The following STOX2 variants were observed in gnomAD, a reference collection of about 807,000 sequenced individuals.
STOX2 encodes storkhead box 2, also known as storkhead-box protein 2.
STOX2 carries 28 observed loss-of-function variants against 60.9 expected under a neutral mutation model. The ratio of observed to expected loss-of-function variants is 0.46; its 90% CI spans 0.34 to 0.63. The LOEUF is 0.63. STOX2 is among the 30% of genes least tolerant of loss of function. The pLI is 0.01. For synonymous variants in STOX2, 472 were observed against 463.9 expected (o/e 1.02, Z -0.22); for missense variants, 1,024 against 1,187.7 (o/e 0.86, Z 2.03).
At chr4:183,889,421 C>T (rs1217740552) in intron 1 of STOX2, among the ~76,000 whole-genome samples, 1 of 152,168 alleles carries the variant, frequency 6.6e-6, no homozygotes, top group Non-Finnish European at 1.5e-5. Flanking sequence ...TCCTGCAGCA[C>T]CCCCAGAGGA....
At position 183,950,959 on chromosome 4, in the gene STOX2, T is replaced by C. The variant is rs140912258; in HGVS notation, c.166+44003T>C. ...GGCCGGGCGCGGTGGCTCACGCCTG[T>C]AATCCCAGCACTTTGGGAGGCCGAG... On this transcript the variant is annotated intron_variant, in intron 1 of 3. Transcript: ENST00000308497. Among the ~76,000 whole-genome samples, 627 of 152,190 alleles carry C rather than the reference T, an allele frequency of 4.1e-3. 5 individuals are homozygous for C. The highest frequency in any genetic ancestry group is 6.7e-3 in the Non-Finnish European group (455 of 68,002).
At chr4:183,886,324 G>GAGGGTGAAGGTTCCGATGGTT (rs1276420829) in intron 1 of STOX2, among the ~76,000 whole-genome samples, 4 of 148,490 alleles carry the variant, frequency 2.7e-5, no homozygotes, top group African/African-American at 7.3e-5. Flanking sequence ...GCAAGATCAG[G>GAGGGTGAAGGTTCCGATGGTT]GTCACTAGGA....
Position 184,006,812 on chromosome 4 carries a change from C to T in STOX2, c.320-2346C>T, listed in dbSNP as rs574467281. Among the ~76,000 whole-genome samples, 107 of 150,752 alleles carry T rather than the reference C, an allele frequency of 7.1e-4. 1 individual carries two copies. The highest frequency in any genetic ancestry group is 2.1e-3 in the East Asian group (11 of 5,166). On this transcript the variant is annotated intron_variant, in intron 2 of 3. Coordinates refer to ENST00000308497, the MANE Select transcript of STOX2 (RefSeq NM_020225.3). The stretch of plus-strand genomic sequence containing the variant: ...CGGGCGGATCACGAGGTCAGCAGAT[C>T]GAAACCATCCCGGCTAAAACGGTGA...
intron 1 of STOX2, among the ~76,000 whole-genome samples, chr4:183,835,245 G>A (rs1223354851): frequency 3.5e-5 from 5 of 142,008 alleles, no homozygotes; most frequent in Admixed American, 2.1e-4. Context: ...TTTTTTTTGA[G>A]ACGGAGTCTG....
intron 1 of STOX2, among the ~76,000 whole-genome samples, chr4:183,885,544 G>C (rs763277938): frequency 3.3e-5 from 5 of 152,122 alleles, no homozygotes; most frequent in Non-Finnish European, 7.4e-5. Flanking sequence ...GCAGGGTGCC[G>C]GCTGCCTCGC....
At chr4:183,987,253 C>T (rs753201349) in intron 1 of STOX2, among the ~76,000 whole-genome samples, 2 of 152,060 alleles carry the variant, frequency 1.3e-5, no homozygotes, top group Non-Finnish European at 2.9e-5. Flanking sequence ...TCAACTGCCG[C>T]CCCCGTCTTC....
At chr4:183,810,655 A>G (rs542947019) in intron 1 of STOX2, among the ~76,000 whole-genome samples, 1 of 152,268 alleles carries the variant, frequency 6.6e-6, no homozygotes, top group African/African-American at 2.4e-5. Flanking sequence ...GCCCTCATCA[A>G]TGGATTAATG....
At chr4:183,857,686 C>G (rs1427410088) in intron 1 of STOX2, among the ~76,000 whole-genome samples, 1 of 152,130 alleles carries the variant, frequency 6.6e-6, no homozygotes, top group African/African-American at 2.4e-5. Context: ...GAGGAACCTT[C>G]CCCCCAGCCC....
At chr4:183,954,018 C>G (rs1743171605) in intron 1 of STOX2, among the ~76,000 whole-genome samples, 1 of 152,220 alleles carries the variant, frequency 6.6e-6, no homozygotes, top group Admixed American at 6.5e-5. Flanking sequence ...CTGTGGGCCT[C>G]TAATTCTCAT....
intron 1 of STOX2, among the ~76,000 whole-genome samples, chr4:183,852,553 G>C (rs541006259): frequency 6.7e-6 from 1 of 149,316 alleles, no homozygotes; most frequent in Non-Finnish European, 1.5e-5. Flanking sequence ...ATGAGGGAAA[G>C]GATGAGAGAA....
intron 1 of STOX2, among the ~76,000 whole-genome samples, chr4:183,822,349 G>T (rs1488013989): frequency 6.6e-6 from 1 of 152,194 alleles, no homozygotes; most frequent in Non-Finnish European, 1.5e-5. Flanking sequence ...CTGGCATGGG[G>T]GATGGTTTTG....
rs919159034 is a variant in STOX2, at chr4:183,819,222, G to A, written c.364+21167G>A. On this transcript the variant is annotated intron_variant, in intron 1 of 2. Coordinates refer to the STOX2 transcript ENST00000513034. ...TGGGAGGTGGAGGTTGTAGAGAGCC[G>A]AGATCACGCCGCTGCACTCCAGCCT... 5.3e-5 allele frequency among the ~76,000 whole-genome samples: 8 copies of A among 152,102 alleles called. No individual in the cohort carries two copies. The East Asian group carries it at 7.8e-4, about 15-fold the overall frequency.
chr4:184,007,045 A>AAAAAAAAAAAAAAAAAC (rs1553987519), intron 2 of STOX2, among the ~76,000 whole-genome samples: 1 of 118,472 alleles, frequency 8.4e-6, no homozygotes, highest in African/African-American at 3.1e-5. Context: ...AAACAAAAAA[A>AAAAAAAAAAAAAAAAAC]AAATTTTGTT....
At position 183,836,320 on chromosome 4, in the gene STOX2, G is replaced by C. The variant is rs753948917; in HGVS notation, c.364+38265G>C. ...TCTGCAAGTCAATGGGTATGGTTGT[G>C]GTGTAGCGGGTTTCAGCAGCAACAG... On this transcript the variant is annotated intron_variant, in intron 1 of 2. Transcript: ENST00000513034. This position sits in a 1 kb window ranked among gnomAD's most constrained non-coding sequence, Gnocchi z 4.1. Among the ~76,000 whole-genome samples, 7 of 152,174 alleles carry C rather than the reference G, an allele frequency of 4.6e-5. No individual in the cohort carries two copies. Among genetic ancestry groups the C allele is most frequent in the African/African-American group, 1.7e-4 (7 of 41,438 alleles).
intron 1 of STOX2, among the ~76,000 whole-genome samples, chr4:183,852,605 C>A (rs917700637): frequency 6.6e-6 from 1 of 151,888 alleles, no homozygotes; most frequent in Admixed American, 6.6e-5. Flanking sequence ...ATACTCTCAT[C>A]AAGGTTAATT....
At position 184,009,505 on chromosome 4, in the gene STOX2, A is replaced by G. The variant is rs375121988; in HGVS notation, c.667A>G (p.Lys223Glu). 3 of 1,614,056 alleles carry G rather than the reference A, an allele frequency of 1.9e-6. No individual in the cohort carries two copies. The highest frequency in any genetic ancestry group is 2.2e-5 in the South Asian group (2 of 91,084). Residue 223 changes from lysine (K) to glutamate (E), a missense_variant, in exon 3 of 4, where the codon AAA (lysine) becomes GAA (glutamate). Lys to Glu is a moderately conservative substitution (Grantham distance 56). Around this residue, in one of 3 missense-constraint regions of STOX2, gnomAD observed 922 missense variants for 1,058.3 expected, o/e 0.87. Coordinates refer to ENST00000308497, the MANE Select transcript of STOX2 (RefSeq NM_020225.3). The surrounding 1 kb of genome is among the most constrained non-coding windows in gnomAD (Gnocchi z 4.0). ...GCAAAGGAAGTCTGCCAAGGACTGC[A>G]AAGACCCTTACTGTCCCCCTTCTCT... ...TLQRKSAKDC[K>E]DPYCPPSLCQ...
intron 1 of STOX2, among the ~76,000 whole-genome samples, chr4:183,824,915 C>T (rs532113297): frequency 4.6e-5 from 7 of 152,264 alleles, no homozygotes; most frequent in African/African-American, 7.2e-5. Flanking sequence ...GAGAGGGGAC[C>T]GATAGAGTTC....
intron 1 of STOX2, among the ~76,000 whole-genome samples, chr4:183,862,039 G>T (rs1252906578): frequency 1.3e-5 from 2 of 152,198 alleles, no homozygotes; most frequent in Non-Finnish European, 2.9e-5. Flanking sequence ...CTTCGTGAGG[G>T]TTTCCTAGAT....
At chr4:183,874,316 G>A (rs1363963476) in intron 1 of STOX2, among the ~76,000 whole-genome samples, 2 of 152,154 alleles carry the variant, frequency 1.3e-5, no homozygotes, top group African/African-American at 4.8e-5. Flanking sequence ...CTTTGGTTGT[G>A]CAGGGGGTTT....
Sources: gnomAD v4.1 joint callset for allele counts (sites outside exome capture counted in the v4.1 genomes callset) on GRCh38, gnomAD v4.1.1 for gene constraint, gnomAD v4.1.1 regional missense constraint, Gnocchi (gnomAD v3.1) non-coding constraint, MANE v1.5 for transcripts, NCBI Gene and HGNC (gene_info 2026-07-23, HGNC 2026-07-21) for gene names.